Variants in CLUL1 observed in about 807,000 individuals in gnomAD.
CLUL1 encodes clusterin like 1, also known as clusterin-like protein 1.
A neutral mutation model predicts 49.4 loss-of-function variants in CLUL1; 43 were observed. The ratio of observed to expected loss-of-function variants is 0.87; its 90% CI spans 0.68 to 1.12. CLUL1 has a LOEUF of 1.12. Among genes scored for constraint, CLUL1 ranks in the 50% most tolerant of loss-of-function variants. The probability of loss-of-function intolerance (pLI) is 0.00; values close to 1 mark genes in which losing one functional copy is unlikely to be tolerated. For missense variants in CLUL1, 486 were observed against 544.4 expected (o/e 0.89, Z 1.07); for synonymous variants, 192 against 184.9 (o/e 1.04, Z -0.31).
chr18:608,847 G>A (rs866048253), intron 2 of CLUL1, among the ~76,000 whole-genome samples: 41 of 152,170 alleles, frequency 2.7e-4, no homozygotes, highest in African/African-American at 8.9e-4. Context: ...CATAAGGCCT[G>A]TTGATCTATT....
chr18:632,890 C>T (rs988735402), intron 6 of CLUL1, among the ~76,000 whole-genome samples: 4 of 152,194 alleles, frequency 2.6e-5, no homozygotes, highest in African/African-American at 9.6e-5. Context: ...GGCGGTGGCT[C>T]ATGCCTGTAA....
intron 2 of CLUL1, chr18:613,380 T>C: frequency 3.7e-6 from 1 of 268,790 alleles, no homozygotes; most frequent in Non-Finnish European, 6.9e-6. Flanking sequence ...CCAAGTGATC[T>C]GCCTGCCTCG....
intron 8 of CLUL1, 32 bp downstream of exon 8, chr18:641,573 A>G (rs769794057): frequency 5.2e-6 from 8 of 1,543,046 alleles, no homozygotes; most frequent in Non-Finnish European, 7.2e-6. Flanking sequence ...AGATACGGAA[A>G]TGACACGTGC....
chr18:647,618 G>T (rs181395040), intron 9 of CLUL1, among the ~76,000 whole-genome samples: 65 of 152,314 alleles, frequency 4.3e-4, no homozygotes, highest in Middle Eastern at 3.4e-3. Context: ...GGCTGGCCCA[G>T]CTGGGACATG....
chr18:601,956 C>T (rs939895336), intron 1 of CLUL1, among the ~76,000 whole-genome samples: 3 of 152,124 alleles, frequency 2.0e-5, no homozygotes, highest in Admixed American at 2.0e-4. Context: ...CGTGGTGGCT[C>T]ATGCCTGGAA....
chr18:647,145 T>C (rs1465615919), intron 9 of CLUL1, among the ~76,000 whole-genome samples: 1 of 151,342 alleles, frequency 6.6e-6, no homozygotes, highest in Non-Finnish European at 1.5e-5. Context: ...GAGAGGAGAC[T>C]GTTCCAAAAG....
At chr18:614,079 C>T (rs144131579) in intron 2 of CLUL1, among the ~76,000 whole-genome samples, 23 of 152,262 alleles carry the variant, frequency 1.5e-4, no homozygotes, top group African/African-American at 4.6e-4. Flanking sequence ...ATGAGACAAT[C>T]GTGTGGCAAG....
At chr18:611,234 CTTT>C (rs57499796) in intron 2 of CLUL1, among the ~76,000 whole-genome samples, 2,790 of 129,380 alleles carry the variant, frequency 0.022, 34 homozygotes, top group African/African-American at 0.038. Context: ...CACCCCCCAC[CTTT>C]TTTTTTTTTT....
chr18:610,667 C>A (rs1327476825), intron 2 of CLUL1, among the ~76,000 whole-genome samples: 1 of 152,114 alleles, frequency 6.6e-6, no homozygotes, highest in Non-Finnish European at 1.5e-5. Flanking sequence ...AGGAATGAGA[C>A]TGAGCAGGTG....
intron 2 of CLUL1, among the ~76,000 whole-genome samples, chr18:610,955 C>T (rs564293835): frequency 3.3e-5 from 5 of 152,298 alleles, no homozygotes; most frequent in Admixed American, 3.3e-4. Context: ...TGAGCCCACT[C>T]TTACCAGCAG....
rs908609917 is a variant in CLUL1, at chr18:649,805, C to T, written c.1398-93C>T. ...AGCCAACAGCAGGTATTCTATTACC[C>T]ATCCTGGACTTTTACTCCAAGAAAA... On this transcript the variant is annotated intron_variant, in intron 9 of 9. Coordinates refer to ENST00000692774, the MANE Select transcript of CLUL1 (RefSeq NM_001393344.1). The T allele has an allele frequency of 7.3e-6, 6 of 821,038 alleles. No homozygotes were observed. In the African/African-American group the frequency reaches 8.7e-5, roughly 12 times the overall value. The allele number at this position is 821,038 out of a possible 1,614,324, so 50.9% of individuals were successfully genotyped here. A position where few individuals can be genotyped will look rare whatever the true frequency, so the allele number is the denominator to read the frequency against.
At chr18:643,558 G>A (rs1354821921) in intron 8 of CLUL1, among the ~76,000 whole-genome samples, 3 of 152,118 alleles carry the variant, frequency 2.0e-5, no homozygotes, top group Non-Finnish European at 1.5e-5. Flanking sequence ...ACCATTGTCA[G>A]TATTTTCTAT....
At chr18:599,161 T>A (rs555071259) in intron 1 of CLUL1, among the ~76,000 whole-genome samples, 6 of 152,244 alleles carry the variant, frequency 3.9e-5, no homozygotes, top group Non-Finnish European at 7.3e-5. Context: ...AGAAGCAAAG[T>A]AATATAGTTA....
At chr18:621,918 G>A (rs2073498711) in intron 4 of CLUL1, among the ~76,000 whole-genome samples, 1 of 152,012 alleles carries the variant, frequency 6.6e-6, no homozygotes, top group Non-Finnish European at 1.5e-5. Flanking sequence ...TTCACTTCTG[G>A]CCCTGAAGAA....
rs1250623979 is a variant in CLUL1, at chr18:618,122, T to TA, written c.106+17dup. ...AACCTGAAGAGTACGTTTGGTTTCTTATCTGTGCTGTGTCCTGTTTGCATG... is the reference window on the plus strand; with the variant it reads ...AACCTGAAGAGTACGTTTGGTTTCTTAATCTGTGCTGTGTCCTGTTTGCATG... On this transcript the variant is annotated intron_variant, in intron 3 of 9. Coordinates refer to ENST00000692774, the MANE Select transcript of CLUL1 (RefSeq NM_001393344.1). The surrounding 1 kb of genome is among the most constrained non-coding windows in gnomAD (Gnocchi z 4.2). The TA allele has an allele frequency of 1.3e-6, 2 of 1,585,874 alleles. No individual in the cohort carries two copies. The highest frequency in any genetic ancestry group is 1.7e-6 in the Non-Finnish European group (2 of 1,154,528).
intron 8 of CLUL1, 63 bp downstream of exon 8, chr18:641,604 A>G: frequency 1.5e-6 from 2 of 1,340,636 alleles, no homozygotes; most frequent in Non-Finnish European, 2.1e-6. Context: ...TTCACTGTTA[A>G]TTTACTTATG....
intron 7 of CLUL1, among the ~76,000 whole-genome samples, chr18:637,607 T>C (rs1018773490): frequency 6.6e-6 from 1 of 152,172 alleles, no homozygotes; most frequent in Non-Finnish European, 1.5e-5. Flanking sequence ...GAAAAGCGTT[T>C]GGAAAGCGTT....
Position 597,111 on chromosome 18 carries a change from C to T in CLUL1, c.-154C>T, listed in dbSNP as rs919934239. ...ACGCCTCCAGGGGGCAGCACTCAAG[C>T]GCATCTTAGGAATGACAGGTGAGAA... On this transcript the variant is annotated 5_prime_UTR_variant, in exon 1 of 10. Coordinates refer to ENST00000692774, the MANE Select transcript of CLUL1 (RefSeq NM_001393344.1). 6.5e-6 allele frequency: 1 copy of T among 152,742 alleles called. No homozygotes were observed. The highest frequency in any genetic ancestry group is 2.4e-5 in the African/African-American group (1 of 41,472). 9.5% of individuals were successfully genotyped at this position (152,742 alleles called of 1,614,324 possible). A position where few individuals can be genotyped will look rare whatever the true frequency, so the allele number is the denominator to read the frequency against.
chr18:608,472 A>G (rs2073043229), intron 2 of CLUL1, among the ~76,000 whole-genome samples: 1 of 151,920 alleles, frequency 6.6e-6, no homozygotes, highest in African/African-American at 2.4e-5. Context: ...TACTGTAAGA[A>G]AAGTCATATT....
Sources: gnomAD v4.1 joint callset for allele counts (sites outside exome capture counted in the v4.1 genomes callset) on GRCh38, gnomAD v4.1.1 for gene constraint, Gnocchi (gnomAD v3.1) non-coding constraint, MANE v1.5 for transcripts, NCBI Gene and HGNC (gene_info 2026-07-23, HGNC 2026-07-21) for gene names.